Variants in WNT3A observed in about 807,000 individuals in gnomAD.
WNT3A encodes the protein protein Wnt-3a.
In WNT3A, 17 loss-of-function variants were observed where a neutral mutation model predicts 37.0. That is an observed-to-expected ratio of 0.46 (90% CI 0.31 to 0.69). The LOEUF (loss-of-function observed/expected upper bound fraction) is 0.69, where lower values mean the gene tolerates loss of function less well. Ranked by LOEUF, WNT3A falls within the 30% of genes least tolerant of loss-of-function variation. The pLI is 0.05. For synonymous variants in WNT3A, 187 were observed against 211.0 expected, an observed-to-expected ratio of 0.89 and a Z score of 0.99; for missense variants, 411 against 510.2, an observed-to-expected ratio of 0.81 and a Z score of 1.87.
chr1:228,036,225 C>A (rs1440980031), intron 2 of WNT3A, among the ~76,000 whole-genome samples: 1 of 152,204 alleles, frequency 6.6e-6, no homozygotes, highest in Admixed American at 6.5e-5. Flanking sequence ...CAGTTAAAAA[C>A]CCTCAGTCAG....
intron 1 of WNT3A, among the ~76,000 whole-genome samples, chr1:228,020,595 G>A (rs1162429695): frequency 2.0e-5 from 3 of 152,212 alleles, no homozygotes; most frequent in Admixed American, 6.5e-5. Context: ...GCTACCTACA[G>A]CAGGAACACC....
chr1:228,023,609 AC>A (rs2030784377), intron 2 of WNT3A, among the ~76,000 whole-genome samples: 1 of 152,212 alleles, frequency 6.6e-6, no homozygotes, highest in Non-Finnish European at 1.5e-5. Flanking sequence ...AGACAGAGAG[AC>A]AGAGACGGAG....
chr1:228,012,593 G>A (rs573371986), intron 1 of WNT3A, among the ~76,000 whole-genome samples: 48 of 152,248 alleles, frequency 3.2e-4, no homozygotes, highest in African/African-American at 1.1e-3. Flanking sequence ...TGACCCAAAC[G>A]TGAGACTTCT....
At chr1:228,046,897 GTGTGCGCACGCATGTGCGCA>G (rs2031427953) in intron 2 of WNT3A, among the ~76,000 whole-genome samples, 1 of 152,136 alleles carries the variant, frequency 6.6e-6, no homozygotes, top group African/African-American at 2.4e-5. Flanking sequence ...GCATGTGTCT[GTGTGCGCACGCATGTGCGCA>G]TGTGGCTGTG....
At chr1:228,044,486 G>A (rs781637119) in intron 2 of WNT3A, among the ~76,000 whole-genome samples, 5 of 152,146 alleles carry the variant, frequency 3.3e-5, no homozygotes, top group African/African-American at 9.7e-5. Flanking sequence ...TGAGACCTCT[G>A]AGGAGCACAA....
At chr1:228,047,922 GC>G (rs1253940543) in intron 2 of WNT3A, among the ~76,000 whole-genome samples, 2 of 152,080 alleles carry the variant, frequency 1.3e-5, no homozygotes, top group African/African-American at 4.8e-5. Flanking sequence ...CCTCTACCAG[GC>G]CCCACCCCAG....
In WNT3A at chr1:228,050,907, G is replaced by A. The variant is rs2031537539; in HGVS notation, c.565G>A (p.Glu189Lys). ...ARSAMNRHNN[E>K]AGRQAIASHM... ...CTCAGCCATGAACCGCCACAACAAC[G>A]AGGCTGGGCGCCAGGTAGGTTCGCC... Residue 189 changes from glutamate to lysine, a missense_variant, in exon 3 of 4, where the codon GAG becomes AAG. By Grantham distance (56) the Glu-to-Lys change is moderately conservative. Coordinates refer to ENST00000284523, the MANE Select transcript of WNT3A (RefSeq NM_033131.4). This position sits in a 1 kb window ranked among gnomAD's most constrained non-coding sequence, Gnocchi z 5.0. The A allele has an allele frequency of 1.9e-6, 3 of 1,541,842 alleles. No homozygotes were observed. The highest frequency in any genetic ancestry group is 1.2e-5 in the South Asian group (1 of 82,104).
chr1:228,033,707 G>C (rs1446875156), intron 2 of WNT3A, among the ~76,000 whole-genome samples: 1 of 152,154 alleles, frequency 6.6e-6, no homozygotes, highest in Non-Finnish European at 1.5e-5. Flanking sequence ...AAAAAGCTTA[G>C]ATTTTTAGAA....
intron 1 of WNT3A, among the ~76,000 whole-genome samples, chr1:228,016,991 A>G (rs1264288245): frequency 2.0e-5 from 3 of 152,242 alleles, no homozygotes; most frequent in Non-Finnish European, 4.4e-5. Context: ...TCGCATTTCA[A>G]CATGAGATTT....
intron 1 of WNT3A, among the ~76,000 whole-genome samples, chr1:228,020,826 A>G (rs1212466198): frequency 6.6e-6 from 1 of 152,118 alleles, no homozygotes; most frequent in African/African-American, 2.4e-5. Flanking sequence ...CAAATGAGGG[A>G]CAGACAGGAG....
At chr1:228,055,887 C>CAGGTA (rs1326478323) in intron 3 of WNT3A, among the ~76,000 whole-genome samples, 1 of 152,206 alleles carries the variant, frequency 6.6e-6, no homozygotes, top group Non-Finnish European at 1.5e-5. Flanking sequence ...CTGCAAAGCA[C>CAGGTA]AGGTCTCTGA....
chr1:228,015,943 C>T (rs964346068), intron 1 of WNT3A, among the ~76,000 whole-genome samples: 9 of 152,100 alleles, frequency 5.9e-5, no homozygotes, highest in Admixed American at 1.3e-4. Flanking sequence ...AGTGGCCAAT[C>T]GTGGCTGCTC....
intron 3 of WNT3A, among the ~76,000 whole-genome samples, chr1:228,058,394 A>G (rs2031723355): frequency 6.6e-6 from 1 of 151,244 alleles, no homozygotes; most frequent in Non-Finnish European, 1.5e-5. Context: ...GAAAGAAGGG[A>G]AAAGAAGCTG....
At chr1:228,026,460 T>C (rs2030857387) in intron 2 of WNT3A, among the ~76,000 whole-genome samples, 1 of 152,222 alleles carries the variant, frequency 6.6e-6, no homozygotes, top group Non-Finnish European at 1.5e-5. Context: ...TTTATTTATT[T>C]ATTTTTAATT....
chr1:228,042,405 T>C lies in WNT3A; in HGVS notation c.314-8251T>C, dbSNP rs2031305017. Among the ~76,000 whole-genome samples the C allele has an allele frequency of 6.6e-6, 1 of 152,054 alleles. No individual in the cohort carries two copies. The highest frequency in any genetic ancestry group is 6.6e-5 in the Admixed American group (1 of 15,264). ...AGATCCTGGATGGATGGATGGATGATGGATGGATGGTGGGTGGTGGATAGA... is the reference window on the plus strand; with the variant it reads ...AGATCCTGGATGGATGGATGGATGACGGATGGATGGTGGGTGGTGGATAGA... On this transcript the variant is annotated intron_variant, in intron 2 of 3. Coordinates refer to ENST00000284523, the MANE Select transcript of WNT3A (RefSeq NM_033131.4). The surrounding 1 kb of genome is among the most constrained non-coding windows in gnomAD (Gnocchi z 5.2).
At chr1:228,053,437 A>T (rs972311692) in intron 3 of WNT3A, among the ~76,000 whole-genome samples, 20 of 152,336 alleles carry the variant, frequency 1.3e-4, no homozygotes, top group Non-Finnish European at 2.2e-4. Flanking sequence ...TAAACAGTCC[A>T]AAAAAGCACT....
rs2030268784 is a variant in WNT3A, at chr1:228,008,398, G to A, written c.71+1199G>A. ...TAATTTTTCTCTTCGAGATGGTTCA[G>A]GAGCGGGGGCTCCCGCGGTAGGGGC... On this transcript the variant is annotated intron_variant, in intron 1 of 3. Coordinates refer to ENST00000284523, the MANE Select transcript of WNT3A (RefSeq NM_033131.4). This position sits in a 1 kb window ranked among gnomAD's most constrained non-coding sequence, Gnocchi z 4.9. 6.6e-6 allele frequency among the ~76,000 whole-genome samples: 1 copy of A among 152,218 alleles called. No homozygotes were observed. Among genetic ancestry groups the A allele is most frequent in the African/African-American group, 2.4e-5 (1 of 41,462 alleles).
intron 3 of WNT3A, 45 bp from the exon 4 acceptor site, chr1:228,058,941 C>A: frequency 6.5e-7 from 1 of 1,546,692 alleles, no homozygotes. Flanking sequence ...CGGGGAGACG[C>A]ACCAGGGGGC....
rs2031194586 is a variant in WNT3A, at chr1:228,038,481, G to T, written c.314-12175G>T. On this transcript the variant is annotated intron_variant, in intron 2 of 3. Transcript: ENST00000284523. The surrounding 1 kb of genome is among the most constrained non-coding windows in gnomAD (Gnocchi z 5.7). ...TTTTCAGGGGCGATGGTCCCCAGAT[G>T]ACATGACATTTGGGGCCACAGTGAC... Among the ~76,000 whole-genome samples the T allele has an allele frequency of 6.6e-6, 1 of 152,234 alleles. No individual in the cohort carries two copies. Among genetic ancestry groups the T allele is most frequent in the African/African-American group, 2.4e-5 (1 of 41,462 alleles).
Sources: gnomAD v4.1 joint callset for allele counts (sites outside exome capture counted in the v4.1 genomes callset) on GRCh38, gnomAD v4.1.1 for gene constraint, Gnocchi (gnomAD v3.1) non-coding constraint, MANE v1.5 for transcripts, NCBI Gene and HGNC (gene_info 2026-07-23, HGNC 2026-07-21) for gene names.